The following CSMD1 variants were observed in gnomAD, a reference collection of about 807,000 sequenced individuals.
CSMD1 encodes CUB and sushi domain-containing protein 1.
A neutral mutation model predicts 417.5 loss-of-function variants in CSMD1; 213 were observed. The observed-to-expected ratio is 0.51, with a 90% confidence interval of 0.46 to 0.57. The LOEUF is 0.57. Ranked by LOEUF, CSMD1 falls within the 20% of genes least tolerant of loss-of-function variation. The pLI is 0.00. For missense variants in CSMD1, 6,923 were observed against 4,529.7 expected (o/e 1.53, Z -15.17); for synonymous variants, 2,862 against 1,736.8 (o/e 1.65, Z -16.11).
intron 3 of CSMD1, among the ~76,000 whole-genome samples, chr8:4,202,023 G>A (rs749278655): frequency 1.3e-5 from 2 of 152,064 alleles, no homozygotes; most frequent in African/African-American, 4.8e-5. Flanking sequence ...GAAGAAACGA[G>A]GACATTGGAA....
chr8:3,409,476 A>T lies in CSMD1; in HGVS notation c.1691T>A (p.Val564Asp), dbSNP rs1455856689. The T allele has an allele frequency of 2.5e-6, 4 of 1,610,784 alleles. No homozygotes were observed. Among genetic ancestry groups the T allele is most frequent in the Non-Finnish European group, 2.5e-6 (3 of 1,178,838 alleles). The change falls in exon 13 of 70, where the codon GTT (valine) becomes GAT (aspartate). Residue 564 changes from valine to aspartate, a missense_variant. Val to Asp is a radical substitution (Grantham distance 152, BLOSUM62 -3). Coordinates refer to ENST00000635120, the MANE Select transcript of CSMD1 (RefSeq NM_033225.6). ...PAAFELVGER[V>D]ITCQQNNQWS... The stretch of plus-strand genomic sequence containing the variant: ...CTGATTGTTCTGCTGACAGGTGATA[A>T]CTCTCTCCCCCACCAGCTCAAAGGC...
intron 5 of CSMD1, among the ~76,000 whole-genome samples, chr8:3,858,814 G>A (rs1804490918): frequency 6.6e-6 from 1 of 151,990 alleles, no homozygotes; most frequent in South Asian, 2.1e-4. Context: ...AATGTTATCG[G>A]GAAATAACAT....
chr8:4,602,886 C>A (rs544519964), intron 2 of CSMD1, among the ~76,000 whole-genome samples: 1 of 151,486 alleles, frequency 6.6e-6, no homozygotes, highest in Non-Finnish European at 1.5e-5. Flanking sequence ...AATAATAACG[C>A]TATCATATAA....
intron 3 of CSMD1, among the ~76,000 whole-genome samples, chr8:4,048,858 G>C (rs1297818184): frequency 1.3e-5 from 2 of 152,174 alleles, no homozygotes; most frequent in East Asian, 1.9e-4. Context: ...GTTCAATACA[G>C]ATAGATCAAG....
intron 37 of CSMD1, among the ~76,000 whole-genome samples, chr8:3,168,095 C>CA (rs979704366): frequency 1.7e-4 from 25 of 147,744 alleles, no homozygotes; most frequent in East Asian, 9.9e-4. Flanking sequence ...GAGCTCAAAA[C>CA]AAAAAAGTTG....
chr8:3,104,386 C>A (rs1372098216), intron 46 of CSMD1, among the ~76,000 whole-genome samples: 1 of 152,166 alleles, frequency 6.6e-6, no homozygotes, highest in African/African-American at 2.4e-5. Context: ...CTAAGTAAGG[C>A]AACCTAGAGG....
intron 11 of CSMD1, among the ~76,000 whole-genome samples, chr8:3,471,604 T>C (rs1472833010): frequency 1.5e-5 from 2 of 136,832 alleles, no homozygotes; most frequent in Non-Finnish European, 3.2e-5. Context: ...CCCTCCTTCT[T>C]CCTCTCTCCT....
chr8:4,177,522 T>G (rs1341225759), intron 3 of CSMD1, among the ~76,000 whole-genome samples: 1 of 151,902 alleles, frequency 6.6e-6, no homozygotes, highest in East Asian at 1.9e-4. Context: ...TTAAAAGAAC[T>G]AGAAAAACAA....
chr8:3,746,069 C>T (rs1426504169), intron 6 of CSMD1, among the ~76,000 whole-genome samples: 5 of 150,698 alleles, frequency 3.3e-5, no homozygotes, highest in East Asian at 1.9e-4. Flanking sequence ...GAGGTACACA[C>T]GGACATTTAG....
intron 1 of CSMD1, among the ~76,000 whole-genome samples, chr8:4,698,703 G>A (rs915211937): frequency 6.6e-6 from 1 of 150,876 alleles, no homozygotes; most frequent in African/African-American, 2.4e-5. Context: ...GTACGGGGGA[G>A]CATTTTCCTT....
At chr8:4,439,567 G>A (rs1474646107) in intron 2 of CSMD1, among the ~76,000 whole-genome samples, 2 of 152,090 alleles carry the variant, frequency 1.3e-5, no homozygotes, top group African/African-American at 4.8e-5. Flanking sequence ...ACTATCTGCT[G>A]AAAATACATA....
intron 5 of CSMD1, among the ~76,000 whole-genome samples, chr8:3,966,004 T>C (rs181282268): frequency 2.0e-5 from 3 of 152,246 alleles, no homozygotes; most frequent in East Asian, 1.9e-4. Flanking sequence ...ATATGAAGCA[T>C]AGATTCAATT....
chr8:4,298,916 A>G (rs2128871941), intron 3 of CSMD1, among the ~76,000 whole-genome samples: 1 of 152,210 alleles, frequency 6.6e-6, no homozygotes, highest in South Asian at 2.1e-4. Flanking sequence ...ATGTATATAT[A>G]CACACATAAA....
intron 3 of CSMD1, among the ~76,000 whole-genome samples, chr8:4,209,581 C>G (rs1440794276): frequency 6.6e-6 from 1 of 152,168 alleles, no homozygotes; most frequent in African/African-American, 2.4e-5. Context: ...TGTCCACCTG[C>G]CTTTCCTTTT....
intron 5 of CSMD1, among the ~76,000 whole-genome samples, chr8:3,975,007 G>A (rs1004732994): frequency 1.3e-5 from 2 of 152,142 alleles, no homozygotes; most frequent in African/African-American, 4.8e-5. Flanking sequence ...TCTTTGCAGT[G>A]AAAATGGAAT....
intron 2 of CSMD1, among the ~76,000 whole-genome samples, chr8:4,547,809 T>G (rs969638656): frequency 2.0e-5 from 3 of 152,224 alleles, no homozygotes; most frequent in Non-Finnish European, 2.9e-5. Flanking sequence ...AGTGTTAATG[T>G]GGCAGAGAGA....
At chr8:3,793,062 C>G (rs1008204535) in intron 5 of CSMD1, among the ~76,000 whole-genome samples, 1 of 152,026 alleles carries the variant, frequency 6.6e-6, no homozygotes, top group Admixed American at 6.6e-5. Flanking sequence ...AGTAAAACAC[C>G]CAAAAGAGTA....
chr8:4,090,016 T>C (rs753197451), intron 3 of CSMD1, among the ~76,000 whole-genome samples: 6 of 152,354 alleles, frequency 3.9e-5, no homozygotes, highest in Non-Finnish European at 7.3e-5. Context: ...GCCTGTTTTG[T>C]AAAGGAATTA....
intron 52 of CSMD1, among the ~76,000 whole-genome samples, chr8:3,005,038 C>T (rs530659125): frequency 1.3e-5 from 2 of 152,254 alleles, no homozygotes; most frequent in South Asian, 2.1e-4. Flanking sequence ...GCTCGGGAGG[C>T]TGAGGCAGAG....
Sources: gnomAD v4.1 joint callset for allele counts (sites outside exome capture counted in the v4.1 genomes callset) on GRCh38, gnomAD v4.1.1 for gene constraint, MANE v1.5 for transcripts, NCBI Gene and HGNC (gene_info 2026-07-23, HGNC 2026-07-21) for gene names.